Variants in APBB2 observed in about 807,000 individuals in gnomAD.
APBB2 encodes amyloid beta precursor protein binding family B member 2.
Under a neutral mutation model 82.5 loss-of-function variants are expected in APBB2, and 38 were observed. The ratio of observed to expected loss-of-function variants is 0.46; its 90% CI spans 0.36 to 0.60. The LOEUF is 0.60. Ranked by LOEUF, APBB2 falls within the 20% of genes least tolerant of loss-of-function variation. The probability of loss-of-function intolerance (pLI) is 0.00; values close to 1 mark genes in which losing one functional copy is unlikely to be tolerated. For missense variants in APBB2, 772 were observed against 972.3 expected (o/e 0.79, Z 2.74); for synonymous variants, 341 against 368.2 (o/e 0.93, Z 0.85).
intron 6 of APBB2, among the ~76,000 whole-genome samples, chr4:40,973,617 C>T (rs1047690485): frequency 2.0e-5 from 3 of 152,140 alleles, no homozygotes; most frequent in Non-Finnish European, 2.9e-5. Flanking sequence ...AGAAATCTAT[C>T]GTTCCATAGT....
intron 1 of APBB2, among the ~76,000 whole-genome samples, chr4:41,163,962 G>A (rs1321411123): frequency 1.3e-5 from 2 of 152,176 alleles, no homozygotes; most frequent in Non-Finnish European, 2.9e-5. Context: ...AACATAGATG[G>A]AAGGAAATTA....
intron 6 of APBB2, among the ~76,000 whole-genome samples, chr4:41,005,274 G>GA (rs1320637296): frequency 6.6e-6 from 1 of 152,164 alleles, no homozygotes; most frequent in Non-Finnish European, 1.5e-5. Flanking sequence ...ATTTTTAGTA[G>GA]AGACAGGGTT....
intron 10 of APBB2, among the ~76,000 whole-genome samples, chr4:40,900,834 G>A (rs146531200): frequency 1.9e-3 from 281 of 151,674 alleles, no homozygotes; most frequent in Non-Finnish European, 3.1e-3. Context: ...AGCCTTACAG[G>A]ACAGATTAAT....
At chr4:40,990,909 G>A (rs943651493) in intron 6 of APBB2, among the ~76,000 whole-genome samples, 2 of 151,952 alleles carry the variant, frequency 1.3e-5, no homozygotes, top group East Asian at 3.9e-4. Flanking sequence ...GCAAATGGAG[G>A]AAAAAGAAAG....
intron 12 of APBB2, among the ~76,000 whole-genome samples, chr4:40,870,147 A>C (rs1044711092): frequency 6.6e-6 from 1 of 152,216 alleles, no homozygotes; most frequent in African/African-American, 2.4e-5. Flanking sequence ...TTCATTATTT[A>C]ATAAACATTT....
At chr4:41,010,961 T>C (rs1207587896) in intron 6 of APBB2, among the ~76,000 whole-genome samples, 1 of 152,222 alleles carries the variant, frequency 6.6e-6, no homozygotes, top group Non-Finnish European at 1.5e-5. Flanking sequence ...TTTTTATCCT[T>C]CTAATCCCAA....
chr4:40,821,273 T>A (rs1365400045), intron 17 of APBB2, among the ~76,000 whole-genome samples: 1 of 152,224 alleles, frequency 6.6e-6, no homozygotes, highest in Non-Finnish European at 1.5e-5. Flanking sequence ...CAAGTATCCA[T>A]GTGGTATAAA....
At chr4:41,071,804 T>C (rs551891984) in intron 3 of APBB2, among the ~76,000 whole-genome samples, 4 of 152,312 alleles carry the variant, frequency 2.6e-5, no homozygotes, top group African/African-American at 9.6e-5. Flanking sequence ...ATTTCAACCA[T>C]AGTGGATTAA....
At chr4:41,105,799 T>C (rs953405911) in intron 2 of APBB2, among the ~76,000 whole-genome samples, 2 of 149,648 alleles carry the variant, frequency 1.3e-5, no homozygotes, top group Non-Finnish European at 3.0e-5. Flanking sequence ...GGCAGGAGAA[T>C]GGCGTGAACC....
intron 4 of APBB2, among the ~76,000 whole-genome samples, chr4:41,059,900 G>A (rs943286507): frequency 6.6e-6 from 1 of 151,466 alleles, no homozygotes; most frequent in African/African-American, 2.4e-5. Context: ...GCTGGTCTCC[G>A]CACCGGGAGG....
chr4:41,212,520 T>C (rs1779576320), intron 1 of APBB2, among the ~76,000 whole-genome samples: 2 of 152,176 alleles, frequency 1.3e-5, no homozygotes, highest in African/African-American at 4.8e-5. Flanking sequence ...ATTGGCTCCT[T>C]GAAGGTGAAT....
chr4:40,865,996 C>T (rs369334757), intron 12 of APBB2, among the ~76,000 whole-genome samples: 56 of 152,330 alleles, frequency 3.7e-4, no homozygotes, highest in African/African-American at 1.3e-3. Flanking sequence ...AACTTTCTTA[C>T]TTTGCTGTTG....
chr4:40,987,392 C>T (rs535230199), intron 6 of APBB2, among the ~76,000 whole-genome samples: 7 of 152,296 alleles, frequency 4.6e-5, no homozygotes, highest in African/African-American at 7.2e-5. Context: ...CAATCATCAG[C>T]GGGAAGGTTT....
chr4:41,067,955 G>A (rs756208865), intron 3 of APBB2, among the ~76,000 whole-genome samples: 4 of 152,144 alleles, frequency 2.6e-5, no homozygotes, highest in Non-Finnish European at 4.4e-5. Context: ...AAAGTCTAAG[G>A]GGGAAGAGGT....
chr4:41,111,341 G>A (rs1192674781), intron 2 of APBB2, among the ~76,000 whole-genome samples: 1 of 152,176 alleles, frequency 6.6e-6, no homozygotes, highest in Non-Finnish European at 1.5e-5. Context: ...ATATGTAATA[G>A]CAATCAATAA....
chr4:40,813,964 G>C lies in APBB2; in HGVS notation c.*2128C>G, dbSNP rs1744974206. 1 of 152,210 alleles carries C rather than the reference G, an allele frequency of 6.6e-6. No homozygotes were observed. Among genetic ancestry groups the C allele is most frequent in the African/African-American group, 2.4e-5 (1 of 41,452 alleles). 9.4% of individuals were successfully genotyped at this position (152,210 alleles called of 1,614,324 possible). The stretch of plus-strand genomic sequence containing the variant: ...TATGTCAATTGGTGAAAAACAGACT[G>C]CGTTTCTAAAGTAGCATAGTTTTGT... On this transcript the variant is annotated 3_prime_UTR_variant, in exon 18 of 18. Coordinates refer to ENST00000508593, the MANE Select transcript of APBB2 (RefSeq NM_004307.2).
chr4:40,818,633 A>C (rs1357140770), intron 17 of APBB2, among the ~76,000 whole-genome samples: 1 of 151,978 alleles, frequency 6.6e-6, no homozygotes, highest in East Asian at 1.9e-4. Flanking sequence ...TGACTCCTCT[A>C]CTGTCCCTGC....
intron 3 of APBB2, among the ~76,000 whole-genome samples, chr4:41,087,002 T>C (rs953134985): frequency 6.6e-6 from 1 of 151,832 alleles, no homozygotes; most frequent in African/African-American, 2.4e-5. Context: ...AGGCTGGGCA[T>C]GGTGGCATGT....
chr4:40,905,022 C>G (rs1776337211), intron 10 of APBB2, among the ~76,000 whole-genome samples: 1 of 152,100 alleles, frequency 6.6e-6, no homozygotes, highest in Non-Finnish European at 1.5e-5. Flanking sequence ...TAACTTTCCC[C>G]CTTCCTATTT....
Sources: gnomAD v4.1 joint callset for allele counts (sites outside exome capture counted in the v4.1 genomes callset) on GRCh38, gnomAD v4.1.1 for gene constraint, MANE v1.5 for transcripts, NCBI Gene and HGNC (gene_info 2026-07-23, HGNC 2026-07-21) for gene names.